Variants in DNAH6 observed in about 807,000 individuals in gnomAD.
DNAH6 encodes dynein axonemal heavy chain 6.
DNAH6 carries 340 observed loss-of-function variants against 491.4 expected under a neutral mutation model. The observed-to-expected ratio is 0.69, with a 90% CI of 0.63 to 0.76. The LOEUF (loss-of-function observed/expected upper bound fraction) is 0.76. Ranked by LOEUF, DNAH6 falls within the 30% of genes least tolerant of loss-of-function variation. The probability of loss-of-function intolerance (pLI) is 0.00; values close to 1 mark genes in which losing one functional copy is unlikely to be tolerated. For missense variants in DNAH6, 4,443 were observed against 4,972.2 expected (o/e 0.89, Z 3.20); for synonymous variants, 1,603 against 1,686.1 (o/e 0.95, Z 1.21).
intron 49 of DNAH6, among the ~76,000 whole-genome samples, chr2:84,702,969 T>C (rs1428486419): frequency 6.6e-6 from 1 of 152,198 alleles, no homozygotes; most frequent in Non-Finnish European, 1.5e-5. Context: ...CAGCTAGAGC[T>C]ACACCCTCTG....
chr2:84,746,564 G>A (rs1378418993), intron 63 of DNAH6, among the ~76,000 whole-genome samples: 1 of 152,216 alleles, frequency 6.6e-6, no homozygotes, highest in Non-Finnish European at 1.5e-5. Flanking sequence ...TTTGATTGGT[G>A]AGTTTCAGGA....
chr2:84,756,259 G>A (rs772210762), intron 63 of DNAH6, among the ~76,000 whole-genome samples: 3 of 152,092 alleles, frequency 2.0e-5, no homozygotes, highest in Non-Finnish European at 2.9e-5. Context: ...TAAATAAATC[G>A]TGGAAGACTA....
In DNAH6 at chr2:84,658,527, A is replaced by T. The variant is rs143962836; in HGVS notation, c.5940+53A>T. ...AGCTAGAAAAATTAGATTATTGTAT[A>T]AGTTCTTTGCAAAGAAATGACTCCA... On this transcript the variant is annotated intron_variant, in intron 36 of 76. Transcript: ENST00000389394. 1.1e-3 allele frequency: 1,354 copies of T among 1,261,494 alleles called. 18 individuals are homozygous for T. In the African/African-American group the frequency reaches 0.019, roughly 18 times the overall value. The allele number at this position is 1,261,494 out of a possible 1,614,324, so 78.1% of individuals were successfully genotyped here.
At chr2:84,509,674 G>T in the DNAH6 span, among the ~76,000 whole-genome samples, 3 of 152,270 alleles carry the variant, frequency 2.0e-5, no homozygotes, top group East Asian at 5.8e-4. Context: ...TAGCCTCGAT[G>T]GTCTTTACAA....
chr2:84,617,572 A>AACTT (rs35504157), intron 23 of DNAH6, among the ~76,000 whole-genome samples: 7,651 of 152,004 alleles, frequency 0.05, 284 homozygotes, highest in Non-Finnish European at 0.073. Flanking sequence ...AGCCTCTGGT[A>AACTT]ACCATCCTTC....
At chr2:84,604,864 C>A (rs1403450323) in intron 19 of DNAH6, among the ~76,000 whole-genome samples, 2 of 152,168 alleles carry the variant, frequency 1.3e-5, no homozygotes, top group Admixed American at 6.5e-5. Flanking sequence ...CCAGAGAAAT[C>A]TGTTAAATGC....
At position 84,727,706 on chromosome 2, in the gene DNAH6, A is replaced by G; in HGVS notation, c.10010A>G (p.Glu3337Gly). The change falls in exon 61 of 77, where the codon GAA becomes GGA. Residue 3337 changes from glutamate to glycine, a missense_variant. Glu to Gly is a moderately conservative substitution (Grantham distance 98). Around this residue, in one of 3 missense-constraint regions of DNAH6, gnomAD observed 1,463 missense variants for 1,656.6 expected, o/e 0.88. Transcript: ENST00000389394. Reference sequence around the variant, plus strand: ...ACCATTGAAACTTCTGTAAAGACAGAAAATCTACAACAGCGCCTGGACGTA... The same window carrying G: ...ACCATTGAAACTTCTGTAAAGACAGGAAATCTACAACAGCGCCTGGACGTA... ...NTTIETSVKTENLQQRLDVLL... is the reference protein window; with the variant it reads ...NTTIETSVKTGNLQQRLDVLL... The G allele has an allele frequency of 1.3e-6, 2 of 1,551,542 alleles. No homozygotes were observed. The highest frequency in any genetic ancestry group is 3.3e-4 in the Middle Eastern group (2 of 5,992).
At chr2:84,764,259 C>G (rs1407315263) in intron 64 of DNAH6, among the ~76,000 whole-genome samples, 2 of 152,086 alleles carry the variant, frequency 1.3e-5, no homozygotes, top group Admixed American at 6.6e-5. Context: ...TTACTACAGA[C>G]TTATTAAGAG....
the DNAH6 span, among the ~76,000 whole-genome samples, chr2:84,492,787 T>C: frequency 6.6e-6 from 1 of 152,188 alleles, no homozygotes; most frequent in Admixed American, 6.5e-5. Context: ...CACTATCTTC[T>C]TACCATTTGA....
At chr2:84,807,439 A>G (rs1201143101) in intron 71 of DNAH6, among the ~76,000 whole-genome samples, 1 of 152,190 alleles carries the variant, frequency 6.6e-6, no homozygotes, top group African/African-American at 2.4e-5. Context: ...GAAGAGCTAC[A>G]TTTTCCATCC....
rs73943384 is a variant in DNAH6 at position 84,697,659 on chromosome 2, G to A, written c.7609G>A (p.Glu2537Lys). Residue 2537 changes from glutamate to lysine, a missense_variant, in exon 47 of 77, where the codon GAG becomes AAG. Glu to Lys is a moderately conservative substitution (Grantham distance 56). This residue lies in a region of DNAH6 where 2,977 missense variants were observed against 3,296.6 expected (regional missense o/e 0.90). Transcript: ENST00000389394. ...VPNLFEKDEL[E>K]QVLAATRPRA... ...TAATTTATTTGAAAAGGATGAACTG[G>A]AGCAGGTTTTAGCGGCCACCAGACC... is the stretch of plus-strand genomic sequence containing the variant. 9.7e-6 allele frequency: 15 copies of A among 1,551,852 alleles called. No homozygotes were observed. In the African/African-American group the frequency reaches 2.1e-4, roughly 21 times the overall value.
intron 11 of DNAH6, among the ~76,000 whole-genome samples, chr2:84,569,308 C>T (rs1681540856): frequency 6.6e-6 from 1 of 151,442 alleles, no homozygotes; most frequent in Non-Finnish European, 1.5e-5. Flanking sequence ...TATAGATATT[C>T]AGAAGTTTAT....
the DNAH6 span, among the ~76,000 whole-genome samples, chr2:84,470,704 A>G: frequency 4.8e-3 from 729 of 152,268 alleles, 6 homozygotes; most frequent in Middle Eastern, 0.02. Context: ...AGAATGCCTT[A>G]ACCATCTGGG....
chr2:84,703,538 A>G lies in DNAH6; in HGVS notation c.8205A>G (p.Ala2735=), dbSNP rs1289217725. 2 of 1,551,362 alleles carry G rather than the reference A, an allele frequency of 1.3e-6. No individual in the cohort carries two copies. The highest frequency in any genetic ancestry group is 1.7e-6 in the Non-Finnish European group (2 of 1,146,740). ...TTGAAGCCCTGATGGAAAAATTGGC[A>G]GTGGATCAAGAAAGTGCCGATCAGG... ...EDVEALMEKL[A]VDQESADQVR... Residue 2735 remains alanine (A), a synonymous_variant, in exon 50 of 77, where the codon GCA becomes GCG. Transcript: ENST00000389394.
At chr2:84,812,292 T>C (rs1474902641) in intron 72 of DNAH6, 49 bp from the exon 73 acceptor site, 1 of 1,492,256 alleles carries the variant, frequency 6.7e-7, no homozygotes, top group Non-Finnish European at 9.1e-7. Flanking sequence ...TCACTGACAC[T>C]GGATAATGAC....
intron 63 of DNAH6, among the ~76,000 whole-genome samples, chr2:84,758,604 G>C (rs1674275510): frequency 6.6e-6 from 1 of 152,076 alleles, no homozygotes; most frequent in Non-Finnish European, 1.5e-5. Context: ...ACAATATCAA[G>C]TGGGTTTTAT....
intron 61 of DNAH6, among the ~76,000 whole-genome samples, chr2:84,731,427 C>T (rs1175848569): frequency 1.3e-5 from 2 of 152,226 alleles, no homozygotes; most frequent in Admixed American, 6.5e-5. Flanking sequence ...GTTGTCCCAG[C>T]TCCTAAGATA....
At chr2:84,604,628 G>A (rs962891276) in intron 19 of DNAH6, 77 bp downstream of exon 19, 3 of 1,187,546 alleles carry the variant, frequency 2.5e-6, no homozygotes, top group African/African-American at 3.1e-5. Flanking sequence ...TGGTGATCTG[G>A]ATGTTTTTTT....
chr2:84,500,407 G>A, the DNAH6 span, among the ~76,000 whole-genome samples: 2 of 152,176 alleles, frequency 1.3e-5, no homozygotes, highest in Admixed American at 6.5e-5. Flanking sequence ...TTTTATGCCA[G>A]TACCATGCTG....
Sources: allele counts gnomAD v4.1 joint callset (sites outside exome capture counted in the v4.1 genomes callset), GRCh38; gene constraint gnomAD v4.1.1; regional missense constraint gnomAD v4.1.1; transcripts MANE v1.5; gene names NCBI Gene and HGNC (gene_info 2026-07-23, HGNC 2026-07-21).